MINDY2: variants seen among roughly 807,000 people sequenced by gnomAD.
MINDY2 encodes MINDY lysine 48 deubiquitinase 2.
In MINDY2, 52 loss-of-function variants were observed where a neutral mutation model predicts 68.2. The ratio of observed to expected loss-of-function variants is 0.76; its 90% confidence interval spans 0.61 to 0.96. The LOEUF is 0.96. Among genes scored for constraint, MINDY2 ranks in the 40% least tolerant of loss-of-function variants. The probability of loss-of-function intolerance (pLI) is 0.00; values close to 1 mark genes in which losing one functional copy is unlikely to be tolerated. For synonymous variants in MINDY2, 372 were observed against 303.0 expected (o/e 1.23, Z -2.36); for missense variants, 881 against 773.4 (o/e 1.14, Z -1.65).
intron 2 of MINDY2, among the ~76,000 whole-genome samples, chr15:58,790,482 T>A (rs1036628922): frequency 1.3e-5 from 2 of 152,122 alleles, no homozygotes; most frequent in Admixed American, 6.5e-5. Context: ...GTTTTTGCCA[T>A]GAGTAAGCTG....
In MINDY2 at chr15:58,848,603, G is replaced by A. The variant is rs535963439; in HGVS notation, c.1542+1133G>A. ...CTAAAAATATAAAAATCAATTATCC[G>A]GGCATGGTGGCGGGCGCCTGTAGTC... On this transcript the variant is annotated intron_variant, in intron 7 of 8. Transcript: ENST00000559228. Among the ~76,000 whole-genome samples, 6 of 152,124 alleles carry A rather than the reference G, an allele frequency of 3.9e-5. No individual in the cohort carries two copies. The South Asian group carries it at 8.3e-4, about 21-fold the overall frequency.
At chr15:58,790,861 T>C (rs1388253218) in intron 2 of MINDY2, among the ~76,000 whole-genome samples, 1 of 152,036 alleles carries the variant, frequency 6.6e-6, no homozygotes, top group African/African-American at 2.4e-5. Context: ...AGGATTTTTG[T>C]TTTTAGATGT....
chr15:58,801,837 T>G (rs1226793816), intron 2 of MINDY2, among the ~76,000 whole-genome samples: 1 of 152,110 alleles, frequency 6.6e-6, no homozygotes, highest in Non-Finnish European at 1.5e-5. Flanking sequence ...TTGGCCAGGC[T>G]GAACTCCTGA....
rs574735579 is a variant in MINDY2, at chr15:58,775,384, C to T, written c.840+3149C>T. Among the ~76,000 whole-genome samples, 25 of 152,200 alleles carry T rather than the reference C, an allele frequency of 1.6e-4. No homozygotes were observed. In the East Asian group the frequency reaches 2.3e-3, roughly 14 times the overall value. On this transcript the variant is annotated intron_variant, in intron 1 of 8. Coordinates refer to ENST00000559228, the MANE Select transcript of MINDY2 (RefSeq NM_001040450.3). ...GTAAATGGGGTGTGAAGGTGGTTGT[C>T]AGATTTCAGAGGACCCATGGCTATA...
chr15:58,836,590 G>C (rs2032003859), intron 6 of MINDY2, among the ~76,000 whole-genome samples: 1 of 151,872 alleles, frequency 6.6e-6, no homozygotes, highest in Non-Finnish European at 1.5e-5. Flanking sequence ...CTTTACTTCT[G>C]ACAGAGTACC....
At chr15:58,802,492 C>G (rs750832826) in intron 3 of MINDY2, 115 bp downstream of exon 3, 240 of 585,128 alleles carry the variant, frequency 4.1e-4, no homozygotes, top group Non-Finnish European at 6.6e-4. Flanking sequence ...ACACTTTAGA[C>G]TTTGCAAGCC....
intron 5 of MINDY2, among the ~76,000 whole-genome samples, chr15:58,829,437 C>T (rs2031597296): frequency 6.6e-6 from 1 of 152,148 alleles, no homozygotes; most frequent in Non-Finnish European, 1.5e-5. Context: ...TGTCCTTGGG[C>T]AAGTCACTTA....
chr15:58,812,379 G>A (rs1224952239), intron 4 of MINDY2, among the ~76,000 whole-genome samples: 1 of 151,256 alleles, frequency 6.6e-6, no homozygotes, highest in Non-Finnish European at 1.5e-5. Context: ...GGAGTTTGCA[G>A]TGAGCCGAGA....
At chr15:58,791,878 C>T (rs939001145) in intron 2 of MINDY2, among the ~76,000 whole-genome samples, 5 of 151,546 alleles carry the variant, frequency 3.3e-5, no homozygotes, top group Admixed American at 6.6e-5. Context: ...GTCAGTAGAC[C>T]GAGTCTGGGA....
intron 1 of MINDY2, among the ~76,000 whole-genome samples, chr15:58,781,200 C>T (rs191135493): frequency 6.6e-6 from 1 of 152,150 alleles, no homozygotes; most frequent in African/African-American, 2.4e-5. Context: ...CAGACACCTG[C>T]CCCCATGCCC....
At chr15:58,777,891 T>G (rs1422643195) in intron 1 of MINDY2, among the ~76,000 whole-genome samples, 1 of 152,192 alleles carries the variant, frequency 6.6e-6, no homozygotes, top group Non-Finnish European at 1.5e-5. Context: ...TTTATCAAAA[T>G]GTATGACTTA....
chr15:58,785,686 A>AT (rs1237353592), intron 1 of MINDY2, among the ~76,000 whole-genome samples: 2 of 151,654 alleles, frequency 1.3e-5, no homozygotes, highest in African/African-American at 2.4e-5. Context: ...AATCTATCGA[A>AT]TTTTTTTTTA....
Position 58,806,639 on chromosome 15 carries a change from C to T in MINDY2, c.964-3591C>T, listed in dbSNP as rs535527777. 4.2e-4 allele frequency among the ~76,000 whole-genome samples: 64 copies of T among 151,954 alleles called. 1 individual carries two copies. In the Middle Eastern group the frequency reaches 0.01, roughly 24 times the overall value. On this transcript the variant is annotated intron_variant, in intron 3 of 8. Coordinates refer to ENST00000559228, the MANE Select transcript of MINDY2 (RefSeq NM_001040450.3). ...AATATATGAAGGTATAAGCATGAGC[C>T]CAGAGCCATTAGAAATCATATTGCC...
At chr15:58,827,381 T>C (rs1362355599) in intron 5 of MINDY2, among the ~76,000 whole-genome samples, 1 of 152,210 alleles carries the variant, frequency 6.6e-6, no homozygotes, top group African/African-American at 2.4e-5. Context: ...TTAGTTGTTA[T>C]TCTTCTGTAA....
intron 4 of MINDY2, among the ~76,000 whole-genome samples, chr15:58,819,655 GC>G (rs1456137578): frequency 1.3e-5 from 2 of 152,112 alleles, no homozygotes; most frequent in Non-Finnish European, 2.9e-5. Context: ...ACTTAGTGTA[GC>G]TATATTTTTG....
At position 58,773,222 on chromosome 15, in the gene MINDY2, A is replaced by G. The variant is rs150064127; in HGVS notation, c.840+987A>G. On this transcript the variant is annotated intron_variant, in intron 1 of 8. Coordinates refer to ENST00000559228, the MANE Select transcript of MINDY2 (RefSeq NM_001040450.3). ...GCTCAGCTACTCTGGAGGCTGACAC[A>G]AGACAATCGCTTGAGCCCAGAAGTT... 3.5e-3 allele frequency among the ~76,000 whole-genome samples: 527 copies of G among 152,260 alleles called. 16 individuals are homozygous for G. The highest frequency in any genetic ancestry group is 1.0e-3 in the Non-Finnish European group (68 of 68,016).
intron 2 of MINDY2, 144 bp downstream of exon 2, chr15:58,788,107 A>G (rs968693997): frequency 1.7e-5 from 9 of 539,672 alleles, no homozygotes; most frequent in South Asian, 3.3e-5. Flanking sequence ...AAAAATTTTT[A>G]TCAGTATGTT....
chr15:58,788,648 A>G (rs1406085957), intron 2 of MINDY2, among the ~76,000 whole-genome samples: 1 of 152,202 alleles, frequency 6.6e-6, no homozygotes, highest in African/African-American at 2.4e-5. Flanking sequence ...ACAAATAAGA[A>G]TTTATATATT....
chr15:58,791,253 A>ATATATATATATC (rs1567043806), intron 2 of MINDY2, among the ~76,000 whole-genome samples: 1 of 128,566 alleles, frequency 7.8e-6, no homozygotes, highest in Non-Finnish European at 1.7e-5. Flanking sequence ...ATATATATAT[A>ATATATATATATC]TATCTTGAGT....
Sources: allele counts gnomAD v4.1 joint callset (sites outside exome capture counted in the v4.1 genomes callset), GRCh38; gene constraint gnomAD v4.1.1; transcripts MANE v1.5; gene names NCBI Gene and HGNC (gene_info 2026-07-23, HGNC 2026-07-21).